Variants in ACACA observed in about 807,000 individuals in gnomAD.
ACACA encodes acetyl-CoA carboxylase alpha.
ACACA carries 103 observed loss-of-function variants against 296.1 expected under a neutral mutation model. The observed-to-expected ratio is 0.35, with a 90% CI of 0.30 to 0.41. ACACA has a LOEUF of 0.41. ACACA is among the 10% of genes least tolerant of loss of function. The probability of loss-of-function intolerance (pLI) is 1.00; values close to 1 mark genes in which losing one functional copy is unlikely to be tolerated. For missense variants in ACACA, 1,554 were observed against 2,989.7 expected (o/e 0.52, Z 11.20); for synonymous variants, 953 against 1,038.6 (o/e 0.92, Z 1.58).
intron 3 of ACACA, among the ~76,000 whole-genome samples, chr17:37,287,758 A>C (rs1415945720): frequency 2.7e-5 from 4 of 147,998 alleles, no homozygotes; most frequent in African/African-American, 9.9e-5. Flanking sequence ...CAAAAAGACA[A>C]AAAAAAAAAA....
chr17:37,110,617 G>A (rs895426601), intron 52 of ACACA, among the ~76,000 whole-genome samples: 3 of 152,120 alleles, frequency 2.0e-5, no homozygotes, highest in Non-Finnish European at 2.9e-5. Flanking sequence ...GTAGGCAAAC[G>A]GGATTTTTCT....
At chr17:37,140,342 T>C (rs2075514267) in intron 45 of ACACA, among the ~76,000 whole-genome samples, 2 of 152,174 alleles carry the variant, frequency 1.3e-5, no homozygotes, top group South Asian at 4.1e-4. Flanking sequence ...CTCACGAGTA[T>C]GTAATAATTT....
chr17:37,140,376 T>C (rs1016596979), intron 45 of ACACA, among the ~76,000 whole-genome samples: 1 of 152,190 alleles, frequency 6.6e-6, no homozygotes, highest in Non-Finnish European at 1.5e-5. Flanking sequence ...TATGTAATTT[T>C]ATATATAATA....
At chr17:37,402,473 T>C (rs913643953) in intron 1 of ACACA, among the ~76,000 whole-genome samples, 1 of 152,100 alleles carries the variant, frequency 6.6e-6, no homozygotes, top group East Asian at 1.9e-4. Flanking sequence ...AGAATGACAA[T>C]ATAAATTTAT....
intron 16 of ACACA, among the ~76,000 whole-genome samples, chr17:37,248,889 C>A (rs2080845932): frequency 6.6e-6 from 1 of 151,954 alleles, no homozygotes; most frequent in African/African-American, 2.4e-5. Flanking sequence ...TTAAATTTGC[C>A]ATCTTAACCA....
Position 37,149,811 on chromosome 17 carries a change from C to A in ACACA, c.5679+53G>T. 3 of 1,486,558 alleles carry A rather than the reference C, an allele frequency of 2.0e-6. No homozygotes were observed. In the East Asian group the frequency reaches 6.8e-5, roughly 34 times the overall value. The allele number at this position is 1,486,558 out of a possible 1,614,324, so 92.1% of individuals were successfully genotyped here. A position where few individuals can be genotyped will look rare whatever the true frequency, so the allele number is the denominator to read the frequency against. On this transcript the variant is annotated intron_variant, in intron 45 of 55. Coordinates refer to ENST00000616317, the MANE Select transcript of ACACA (RefSeq NM_198834.3). ...ATCAGGATCTTGAATTAAGAATTCA[C>A]ACAATAATCTTCAATCAGCTATGCA...
intron 29 of ACACA, among the ~76,000 whole-genome samples, chr17:37,217,426 A>G (rs940593394): frequency 1.8e-4 from 27 of 151,976 alleles, no homozygotes; most frequent in Admixed American, 5.2e-4. Flanking sequence ...GACCAAGTGC[A>G]AGGAAAGAAA....
At chr17:37,376,184 T>A in intron 1 of ACACA, 1 of 1,566,166 alleles carries the variant, frequency 6.4e-7, no homozygotes, top group Non-Finnish European at 8.8e-7. Flanking sequence ...TCCTGGAAAA[T>A]ACAGAGAGAG....
intron 1 of ACACA, among the ~76,000 whole-genome samples, chr17:37,400,169 G>T (rs2051232807): frequency 1.3e-5 from 2 of 152,054 alleles, no homozygotes; most frequent in African/African-American, 2.4e-5. Context: ...GCCCAGGCTG[G>T]AGTGCAGTGA....
intron 1 of ACACA, among the ~76,000 whole-genome samples, chr17:37,384,156 C>G (rs2050426707): frequency 6.6e-6 from 1 of 152,082 alleles, no homozygotes; most frequent in Non-Finnish European, 1.5e-5. Context: ...CCCAGACAGT[C>G]TGCATAGGAG....
At chr17:37,271,691 T>C (rs944255823) in intron 9 of ACACA, among the ~76,000 whole-genome samples, 22 of 150,516 alleles carry the variant, frequency 1.5e-4, no homozygotes, top group Non-Finnish European at 3.1e-4. Context: ...GAAGTGGGGT[T>C]GGGCGTAGTG....
At chr17:37,230,417 A>C (rs4794752) in intron 25 of ACACA, among the ~76,000 whole-genome samples, 1 of 151,000 alleles carries the variant, frequency 6.6e-6, no homozygotes, top group African/African-American at 2.4e-5. Context: ...TAAATAAATA[A>C]ATAAATAAAT....
chr17:37,124,540 G>A (rs1357549906), intron 48 of ACACA, among the ~76,000 whole-genome samples: 1 of 152,204 alleles, frequency 6.6e-6, no homozygotes, highest in Non-Finnish European at 1.5e-5. Flanking sequence ...AATCTAACAA[G>A]CTGATACAGG....
intron 3 of ACACA, among the ~76,000 whole-genome samples, chr17:37,293,519 C>T (rs976603236): frequency 6.7e-6 from 1 of 149,662 alleles, no homozygotes; most frequent in South Asian, 2.1e-4. Flanking sequence ...ATTCAATGAG[C>T]ATCAAAAATA....
At chr17:37,141,401 C>CGAG in intron 45 of ACACA, 1 of 327,904 alleles carries the variant, frequency 3.0e-6, no homozygotes, top group Non-Finnish European at 5.9e-6. Context: ...CACGGTTCCC[C>CGAG]ATCTCAGGCA....
chr17:37,235,070 G>A lies in ACACA; in HGVS notation c.3151C>T (p.Arg1051Ter), dbSNP rs753014287. The stretch of plus-strand genomic sequence containing the variant: ...TTCATGTCACTTTTATTCTCTTCTC[G>A]GAGGGCGAATACACATTTGTCATAG... ...GHYDKCVFAL[R>*]EENKSDMNTV... The change falls in exon 25 of 56, where the codon CGA (arginine) becomes TGA (stop). Residue 1051 changes from arginine to a stop codon, truncating the protein, a stop_gained. Coordinates refer to ENST00000616317, the MANE Select transcript of ACACA (RefSeq NM_198834.3). LOFTEE classifies it high-confidence loss of function. The A allele has an allele frequency of 1.9e-6, 3 of 1,613,480 alleles. No homozygotes were observed. The highest frequency in any genetic ancestry group is 1.7e-5 in the Admixed American group (1 of 59,996).
chr17:37,287,282 A>T (rs1180430671), intron 3 of ACACA, among the ~76,000 whole-genome samples: 2 of 152,234 alleles, frequency 1.3e-5, no homozygotes, highest in African/African-American at 4.8e-5. Context: ...TTCTGTGCAC[A>T]TATAGTTTTA....
chr17:37,259,593 G>A, intron 11 of ACACA, 63 bp from the exon 12 acceptor site: 1 of 1,571,712 alleles, frequency 6.4e-7, no homozygotes. Context: ...GACCACTACA[G>A]CCTCTCACTG....
At chr17:37,381,974 C>T (rs1275836337) in intron 1 of ACACA, among the ~76,000 whole-genome samples, 1 of 152,082 alleles carries the variant, frequency 6.6e-6, no homozygotes, top group Admixed American at 6.6e-5. Flanking sequence ...ATATTTTGGT[C>T]GTTTCCAATC....
Sources: gnomAD v4.1 joint callset for allele counts (sites outside exome capture counted in the v4.1 genomes callset) on GRCh38, gnomAD v4.1.1 for gene constraint, MANE v1.5 for transcripts, NCBI Gene and HGNC (gene_info 2026-07-23, HGNC 2026-07-21) for gene names.